CPM: variants seen among roughly 807,000 people sequenced by gnomAD.
The protein encoded by CPM is renal carboxypeptidase.
CPM carries 35 observed loss-of-function variants against 46.4 expected under a neutral mutation model. That is an observed-to-expected ratio of 0.75 (90% confidence interval 0.58 to 1.00). The LOEUF is 1.00. Among genes scored for constraint, CPM ranks in the 50% least tolerant of loss-of-function variants. The pLI is 0.00. For synonymous variants in CPM, 195 were observed against 195.3 expected (o/e 1.00, Z 0.01); for missense variants, 422 against 530.4 (o/e 0.80, Z 2.01).
chr12:68,890,997 C>T lies in CPM; in HGVS notation c.161-5108G>A, dbSNP rs116255470. On this transcript the variant is annotated intron_variant, in intron 2 of 8. Transcript: ENST00000551568. ...GCTGGTTTCCCAGGCTTGGATGTTT[C>T]TCTGTGTGTATCCTTACAAGTCACC... 2.3e-3 allele frequency among the ~76,000 whole-genome samples: 349 copies of T among 152,346 alleles called. 3 individuals carry two copies. The highest frequency in any genetic ancestry group is 7.9e-3 in the African/African-American group (330 of 41,576).
intron 2 of CPM, among the ~76,000 whole-genome samples, chr12:68,907,061 T>G (rs1229569469): frequency 6.6e-6 from 1 of 152,210 alleles, no homozygotes; most frequent in African/African-American, 2.4e-5. Context: ...TGCCAGGAAC[T>G]ATAGAGCTCA....
chr12:68,870,673 G>T (rs918664958), intron 4 of CPM, among the ~76,000 whole-genome samples: 4 of 152,220 alleles, frequency 2.6e-5, no homozygotes, highest in Non-Finnish European at 5.9e-5. Context: ...TCTGCTCTTA[G>T]ATGCTCCCTT....
Position 68,870,325 on chromosome 12 carries a change from G to C in CPM, c.506C>G (p.Pro169Arg). The change falls in exon 5 of 9, where the codon CCT becomes CGT. Residue 169 changes from proline (P) to arginine (R), a missense_variant. Pro to Arg is a moderately radical substitution (Grantham distance 103). Transcript: ENST00000551568. ...AFEYNNVSRQ[P>R]ETVAVMKWLK... The stretch of plus-strand genomic sequence containing the variant: ...CCACTTCATGACTGCCACAGTTTCA[G>C]GCTGCCTTGAGACATTATTATATTC... The C allele has an allele frequency of 1.9e-6, 3 of 1,614,192 alleles. No homozygotes were observed. Among genetic ancestry groups the C allele is most frequent in the Non-Finnish European group, 2.5e-6 (3 of 1,180,034 alleles).
At position 68,941,434 on chromosome 12, in the gene CPM, C is replaced by T. The variant is rs922217266; in HGVS notation, c.-3-8594G>A. On this transcript the variant is annotated intron_variant, in intron 1 of 8. Coordinates refer to the CPM transcript ENST00000546373. ...TGTTGCCCAGGCTGGAGTGCAGTGA[C>T]GTGATCACAGCTCACTGTAGCCTTA... Among the ~76,000 whole-genome samples, 8 of 152,064 alleles carry T rather than the reference C, an allele frequency of 5.3e-5. No homozygotes were observed. In the East Asian group the frequency reaches 1.3e-3, roughly 26 times the overall value.
At chr12:68,896,116 AG>A (rs1886864471) in intron 2 of CPM, among the ~76,000 whole-genome samples, 1 of 152,164 alleles carries the variant, frequency 6.6e-6, no homozygotes, top group African/African-American at 2.4e-5. Flanking sequence ...TAGTTCCCAA[AG>A]GAGGTAACTC....
rs150756211 is a variant in CPM, at chr12:68,914,012, C to G, written c.160+18666G>C. 361 of 716,494 alleles carry G rather than the reference C, an allele frequency of 5.0e-4. No homozygotes were observed. The African/African-American group carries it at 5.2e-3, about 10-fold the overall frequency. 44.4% of individuals were successfully genotyped at this position (716,494 alleles called of 1,614,324 possible). On this transcript the variant is annotated intron_variant, in intron 2 of 8. Transcript: ENST00000551568. ...TTATTATCAAAGAAAACCTCAAGGA[C>G]TGCGGCCTCTTCAAATCCTCACTAT...
At chr12:68,869,566 G>T in intron 5 of CPM, 71 bp from the exon 6 acceptor site, 2 of 1,383,318 alleles carry the variant, frequency 1.4e-6, no homozygotes, top group Non-Finnish European at 9.9e-7. Flanking sequence ...CACCATATTA[G>T]CAAAGACATA....
intron 2 of CPM, among the ~76,000 whole-genome samples, chr12:68,921,940 T>C (rs1888057285): frequency 6.6e-6 from 1 of 152,194 alleles, no homozygotes; most frequent in African/African-American, 2.4e-5. Flanking sequence ...ATTCATATGT[T>C]TCATTTAATA....
intron 8 of CPM, 55 bp downstream of exon 8, chr12:68,858,868 A>T: frequency 8.8e-7 from 1 of 1,138,306 alleles, no homozygotes; most frequent in Non-Finnish European, 1.2e-6. Context: ...CTGGGTGAAT[A>T]AGTATTATGA....
At chr12:68,844,391 T>C (rs903090072) in intron 5 of CPM, 5 of 225,720 alleles carry the variant, frequency 2.2e-5, no homozygotes, top group Admixed American at 5.7e-5. Context: ...GAGAGAATGA[T>C]GTTGCAAGTT....
intron 1 of CPM, among the ~76,000 whole-genome samples, chr12:68,956,474 A>G (rs55704842): frequency 0.033 from 5,025 of 152,198 alleles, 219 homozygotes; most frequent in African/African-American, 0.1. Context: ...TACAGCTGGC[A>G]TCATGGCAGC....
At chr12:68,885,973 T>C in intron 2 of CPM, 84 bp from the exon 3 acceptor site, 1 of 1,158,050 alleles carries the variant, frequency 8.6e-7, no homozygotes, top group East Asian at 2.4e-5. Flanking sequence ...GGAAACAGGA[T>C]GCTGCTTCCC....
chr12:68,921,020 G>C (rs890283905), intron 2 of CPM, among the ~76,000 whole-genome samples: 25 of 151,428 alleles, frequency 1.7e-4, no homozygotes, highest in Non-Finnish European at 1.2e-4. Flanking sequence ...ACTCTTGGGG[G>C]AAAAAAGGCC....
upstream of CPM, among the ~76,000 whole-genome samples, chr12:68,936,737 A>C (rs1888680303): frequency 6.6e-6 from 1 of 152,230 alleles, no homozygotes; most frequent in South Asian, 2.1e-4. Context: ...CATAATAAAA[A>C]GGCTAATAAT....
At chr12:68,876,528 C>A (rs1885957474) in intron 3 of CPM, among the ~76,000 whole-genome samples, 1 of 152,172 alleles carries the variant, frequency 6.6e-6, no homozygotes, top group South Asian at 2.1e-4. Context: ...AGAATGTGGT[C>A]AAAAGAGTCT....
chr12:68,887,645 C>T (rs771133215), intron 2 of CPM, among the ~76,000 whole-genome samples: 12 of 152,096 alleles, frequency 7.9e-5, no homozygotes, highest in Admixed American at 5.2e-4. Context: ...AGGCACTGAA[C>T]CTGGGTCAGA....
Position 68,951,753 on chromosome 12 carries a change from G to A in CPM, c.-4+11416C>T, listed in dbSNP as rs1888938674. 3.9e-5 allele frequency among the ~76,000 whole-genome samples: 6 copies of A among 152,206 alleles called. No homozygotes were observed. The South Asian group carries it at 1.2e-3, about 32-fold the overall frequency. ...AGAGCCCAGGGAGCAGAGCAACCAGGAGCCCGGGGGCCTCATGGAATAACC... is the reference window on the plus strand; with the variant it reads ...AGAGCCCAGGGAGCAGAGCAACCAGAAGCCCGGGGGCCTCATGGAATAACC... On this transcript the variant is annotated intron_variant, in intron 1 of 8. Transcript: ENST00000546373.
intron 2 of CPM, among the ~76,000 whole-genome samples, chr12:68,920,477 C>T (rs1436552174): frequency 6.6e-6 from 1 of 152,070 alleles, no homozygotes; most frequent in African/African-American, 2.4e-5. Flanking sequence ...AAATATTTAA[C>T]AAGGACTAAA....
chr12:68,867,095 G>A, intron 6 of CPM, 47 bp from the exon 7 acceptor site: 1 of 1,596,032 alleles, frequency 6.3e-7, no homozygotes, highest in South Asian at 1.1e-5. Flanking sequence ...AAATTGGAGT[G>A]GAGCCAAGTA....
Sources: allele counts gnomAD v4.1 joint callset (sites outside exome capture counted in the v4.1 genomes callset), GRCh38; gene constraint gnomAD v4.1.1; transcripts MANE v1.5; gene names NCBI Gene and HGNC (gene_info 2026-07-23, HGNC 2026-07-21).